The following LAMA2 variants were observed in gnomAD, a reference collection of about 807,000 sequenced individuals.
The protein encoded by LAMA2 is laminin subunit alpha 2, also known as laminin subunit alpha-2.
Under a neutral mutation model 364.8 loss-of-function variants are expected in LAMA2, and 269 were observed. That is an observed-to-expected ratio of 0.74 (90% CI 0.67 to 0.82). The LOEUF (loss-of-function observed/expected upper bound fraction) is 0.82, where lower values mean the gene tolerates loss of function less well. Among genes scored for constraint, LAMA2 ranks in the 40% least tolerant of loss-of-function variants. The pLI, the probability that LAMA2 is intolerant of heterozygous loss-of-function variation, is 0.00. For synonymous variants in LAMA2, 1,379 were observed against 1,370.6 expected (o/e 1.01, Z -0.14); for missense variants, 3,807 against 3,873.2 (o/e 0.98, Z 0.45).
chr6:129,494,850 C>T (rs1785073688), intron 58 of LAMA2, among the ~76,000 whole-genome samples: 1 of 152,192 alleles, frequency 6.6e-6, no homozygotes, highest in South Asian at 2.1e-4. Flanking sequence ...ACCTGAAAAT[C>T]ATGTGTTTCT....
intron 15 of LAMA2, among the ~76,000 whole-genome samples, chr6:129,262,581 A>C (rs1177603695): frequency 6.6e-6 from 1 of 152,168 alleles, no homozygotes; most frequent in East Asian, 1.9e-4. Context: ...AAAAGAACTT[A>C]ATTGAATCAA....
chr6:129,293,202 C>A, intron 20 of LAMA2: 2 of 440,494 alleles, frequency 4.5e-6, no homozygotes, highest in Non-Finnish European at 6.0e-6. Context: ...TTAGACAATT[C>A]CTAATTGAAC....
At chr6:129,118,313 A>G (rs1430798233) in intron 4 of LAMA2, among the ~76,000 whole-genome samples, 1 of 152,220 alleles carries the variant, frequency 6.6e-6, no homozygotes, top group Non-Finnish European at 1.5e-5. Context: ...TTCCAATTCT[A>G]TCACTCGTAG....
chr6:129,470,055 G>A (rs1434709898), intron 51 of LAMA2, among the ~76,000 whole-genome samples: 2 of 151,788 alleles, frequency 1.3e-5, no homozygotes, highest in East Asian at 1.9e-4. Flanking sequence ...ACAATTACAT[G>A]TTACAAACAT....
At chr6:128,979,394 C>A (rs1399346498) in intron 1 of LAMA2, among the ~76,000 whole-genome samples, 1 of 151,632 alleles carries the variant, frequency 6.6e-6, no homozygotes, top group African/African-American at 2.4e-5. Context: ...CATTGAAAAT[C>A]GGGTTAGGAA....
At position 129,147,035 on chromosome 6, in the gene LAMA2, A is replaced by T. The variant is rs1583133415; in HGVS notation, c.896A>T (p.Asp299Val). The T allele has an allele frequency of 6.2e-7, 1 of 1,604,362 alleles. No individual in the cohort carries two copies. The highest frequency in any genetic ancestry group is 2.2e-5 in the East Asian group (1 of 44,812). ...GGTCATGCCAGGGCTTGTCCACTTG[A>T]TCCAGCGACAAATGTATGTATATTT... The part of the protein sequence containing the change: ...CYGHARACPL[D>V]PATNKSRCEC... The change falls in exon 6 of 65, where the codon GAT becomes GTT. Residue 299 changes from aspartate to valine, a missense_variant. Asp to Val is a radical substitution (Grantham distance 152, BLOSUM62 -3). Around this residue, in one of 3 missense-constraint regions of LAMA2, gnomAD observed 394 missense variants for 403.5 expected, o/e 0.98. Transcript: ENST00000421865.
chr6:129,064,592 A>G (rs1261860678), intron 3 of LAMA2, among the ~76,000 whole-genome samples: 1 of 152,102 alleles, frequency 6.6e-6, no homozygotes, highest in Non-Finnish European at 1.5e-5. Flanking sequence ...AAGAGGAGAC[A>G]TTACTACTGA....
chr6:128,961,987 T>C (rs1281603058), intron 1 of LAMA2, among the ~76,000 whole-genome samples: 1 of 150,994 alleles, frequency 6.6e-6, no homozygotes, highest in African/African-American at 2.4e-5. Context: ...GCAGCTCAAA[T>C]AACACTTCTT....
chr6:129,117,585 CA>C (rs1776549484), intron 4 of LAMA2, among the ~76,000 whole-genome samples: 1 of 152,168 alleles, frequency 6.6e-6, no homozygotes, highest in South Asian at 2.1e-4. Context: ...TGTACTCCTA[CA>C]AAAGCAGAGA....
intron 1 of LAMA2, among the ~76,000 whole-genome samples, chr6:128,973,268 T>A (rs1017345869): frequency 6.6e-6 from 1 of 152,092 alleles, no homozygotes; most frequent in Non-Finnish European, 1.5e-5. Context: ...GATTCATAAT[T>A]TTTTTTACTG....
chr6:128,883,811 C>T (rs370889787), intron 1 of LAMA2, among the ~76,000 whole-genome samples: 14 of 138,000 alleles, frequency 1.0e-4, no homozygotes, highest in African/African-American at 2.3e-4. Context: ...TACACACACA[C>T]ACACACACAC....
At chr6:128,905,895 T>C (rs1305936013) in intron 1 of LAMA2, among the ~76,000 whole-genome samples, 1 of 152,154 alleles carries the variant, frequency 6.6e-6, no homozygotes, top group East Asian at 1.9e-4. Flanking sequence ...TTTGGTTTTT[T>C]ATTCTTGTGA....
chr6:129,359,368 A>G (rs1777335017), intron 32 of LAMA2, among the ~76,000 whole-genome samples: 1 of 150,902 alleles, frequency 6.6e-6, no homozygotes, highest in Non-Finnish European at 1.5e-5. Context: ...TGGTATGTCG[A>G]CAAATTCATC....
intron 1 of LAMA2, among the ~76,000 whole-genome samples, chr6:128,997,610 C>T (rs1338702057): frequency 6.6e-6 from 1 of 151,596 alleles, no homozygotes; most frequent in Non-Finnish European, 1.5e-5. Flanking sequence ...GCCTGGCAAA[C>T]ATGGTGAAAC....
rs113128683 is a variant in LAMA2 at position 128,981,077 on chromosome 6, C to T, written c.113-68841C>T. Among the ~76,000 whole-genome samples the T allele has an allele frequency of 1.8e-3, 271 of 152,196 alleles. 2 individuals carry two copies. Among genetic ancestry groups the T allele is most frequent in the Non-Finnish European group, 3.2e-3 (215 of 68,008 alleles). ...ATTCTAATCATCTAGATGCCTAAGT[C>T]AGAAACCTAGGCATCATCCCTTCAT... is the stretch of plus-strand genomic sequence containing the variant. On this transcript the variant is annotated intron_variant, in intron 1 of 64. Coordinates refer to ENST00000421865, the MANE Select transcript of LAMA2 (RefSeq NM_000426.4).
chr6:129,058,119 GA>G (rs1258404822), intron 2 of LAMA2, among the ~76,000 whole-genome samples: 2 of 152,184 alleles, frequency 1.3e-5, no homozygotes, highest in African/African-American at 4.8e-5. Context: ...ATAGAAACAG[GA>G]TCATCAACAG....
intron 1 of LAMA2, among the ~76,000 whole-genome samples, chr6:129,006,259 A>G (rs917724443): frequency 6.6e-6 from 1 of 152,198 alleles, no homozygotes; most frequent in African/African-American, 2.4e-5. Flanking sequence ...AACATATACT[A>G]TGTAAAAATG....
At chr6:128,982,445 T>C (rs570281126) in intron 1 of LAMA2, among the ~76,000 whole-genome samples, 2 of 152,298 alleles carry the variant, frequency 1.3e-5, no homozygotes, top group African/African-American at 4.8e-5. Flanking sequence ...ATTATGCCAA[T>C]ATGTATAGAT....
intron 12 of LAMA2, among the ~76,000 whole-genome samples, chr6:129,222,105 A>G (rs1457222735): frequency 2.0e-5 from 3 of 152,194 alleles, no homozygotes; most frequent in African/African-American, 7.2e-5. Flanking sequence ...TTGTATAGAT[A>G]GTTGCAAACA....
Sources: gnomAD v4.1 joint callset for allele counts (sites outside exome capture counted in the v4.1 genomes callset) on GRCh38, gnomAD v4.1.1 for gene constraint, gnomAD v4.1.1 regional missense constraint, MANE v1.5 for transcripts, NCBI Gene and HGNC (gene_info 2026-07-23, HGNC 2026-07-21) for gene names.